Variants in STRN3 observed in about 807,000 individuals in gnomAD.
STRN3 encodes striatin 3.
In STRN3, 29 loss-of-function variants were observed where a neutral mutation model predicts 95.6. The ratio of observed to expected loss-of-function variants is 0.30; its 90% CI spans 0.23 to 0.41. STRN3 has a LOEUF of 0.41. Ranked by LOEUF, STRN3 falls within the 10% of genes least tolerant of loss-of-function variation. The pLI, the probability that STRN3 is intolerant of heterozygous loss-of-function variation, is 1.00. For missense variants in STRN3, 890 were observed against 972.1 expected, an observed-to-expected ratio of 0.92 and a Z score of 1.12; for synonymous variants, 331 against 357.6, an observed-to-expected ratio of 0.93 and a Z score of 0.84.
chr14:30,903,796 G>GAACT (rs1896388845), intron 15 of STRN3, among the ~76,000 whole-genome samples: 1 of 152,120 alleles, frequency 6.6e-6, no homozygotes, highest in South Asian at 2.1e-4. Context: ...ACAAAGGAAG[G>GAACT]AACTATTCCA....
intron 8 of STRN3, among the ~76,000 whole-genome samples, chr14:30,921,646 C>A (rs1243097835): frequency 6.6e-6 from 1 of 152,034 alleles, no homozygotes; most frequent in East Asian, 1.9e-4. Flanking sequence ...ATCCAATATT[C>A]TAAATATAAT....
At chr14:30,976,823 C>A (rs939433898) in intron 1 of STRN3, among the ~76,000 whole-genome samples, 1 of 152,202 alleles carries the variant, frequency 6.6e-6, no homozygotes, top group East Asian at 1.9e-4. Context: ...GGCACTGTGG[C>A]TCACACCTGT....
At chr14:30,966,452 C>T (rs1162889412) in intron 1 of STRN3, among the ~76,000 whole-genome samples, 1 of 152,158 alleles carries the variant, frequency 6.6e-6, no homozygotes, top group Non-Finnish European at 1.5e-5. Flanking sequence ...GTTTCTCTCT[C>T]GTGAGGAGGT....
chr14:31,018,716 G>A, intron 1 of STRN3: 2 of 457,244 alleles, frequency 4.4e-6, no homozygotes, highest in Admixed American at 2.6e-5. Context: ...TGCAAAAAAA[G>A]CGTAAAATGC....
chr14:30,944,528 C>CATATATATACACGTATATAT, intron 5 of STRN3, among the ~76,000 whole-genome samples: 1 of 137,934 alleles, frequency 7.2e-6, no homozygotes, highest in South Asian at 2.6e-4. Flanking sequence ...AATATATACA[C>CATATATATACACGTATATAT]ATATATATAC....
At chr14:30,964,815 G>C (rs960875911) in intron 1 of STRN3, among the ~76,000 whole-genome samples, 1 of 151,962 alleles carries the variant, frequency 6.6e-6, no homozygotes, top group East Asian at 1.9e-4. Flanking sequence ...AAGTACTCCA[G>C]AGACTGAGGC....
intron 1 of STRN3, among the ~76,000 whole-genome samples, chr14:30,967,613 CTG>C (rs1312969632): frequency 1.2e-4 from 18 of 152,196 alleles, no homozygotes; most frequent in African/African-American, 4.3e-4. Flanking sequence ...TGCATTCTAT[CTG>C]TAGCGGCAAC....
intron 9 of STRN3, among the ~76,000 whole-genome samples, chr14:30,918,194 A>G (rs979146075): frequency 7.2e-5 from 11 of 152,150 alleles, no homozygotes; most frequent in African/African-American, 2.7e-4. Context: ...AGTTACATAT[A>G]TTTTTTGAAG....
At chr14:30,897,989 ATTTAT>A (rs1009157531) in intron 16 of STRN3, among the ~76,000 whole-genome samples, 2 of 152,084 alleles carry the variant, frequency 1.3e-5, no homozygotes, top group African/African-American at 4.8e-5. Context: ...TATTTTTAAA[ATTTAT>A]TTTATTTGTA....
At chr14:30,996,756 C>T (rs184692507) in intron 1 of STRN3, among the ~76,000 whole-genome samples, 141 of 152,152 alleles carry the variant, frequency 9.3e-4, no homozygotes, top group Middle Eastern at 3.4e-3. Context: ...GTCCCAGCTA[C>T]TTGGGAGGCT....
chr14:30,947,820 G>A (rs531480581), intron 4 of STRN3, among the ~76,000 whole-genome samples: 1 of 152,038 alleles, frequency 6.6e-6, no homozygotes, highest in Non-Finnish European at 1.5e-5. Flanking sequence ...CTAAACTAAG[G>A]AACTTAACCT....
At position 30,924,287 on chromosome 14, in the gene STRN3, C is replaced by CTTTTTTTTTTTTTTTTTTT. The variant is rs71112354; in HGVS notation, c.1099+4895_1099+4913dup. On this transcript the variant is annotated intron_variant, in intron 8 of 17. Coordinates refer to ENST00000357479, the MANE Select transcript of STRN3 (RefSeq NM_001083893.2). ...AGGTACAATGGCTCATGCCTTAAATCTTTTTTTTTTTTTTTTTTTTGAGAT... is the reference window on the plus strand; with the variant it reads ...AGGTACAATGGCTCATGCCTTAAATCTTTTTTTTTTTTTTTTTTTTTTTTTTTTTTTTTTTTTTTGAGAT... Among the ~76,000 whole-genome samples the CTTTTTTTTTTTTTTTTTTT allele has an allele frequency of 7.6e-4, 59 of 77,244 alleles. 9 individuals are homozygous for CTTTTTTTTTTTTTTTTTTT. Among genetic ancestry groups the CTTTTTTTTTTTTTTTTTTT allele is most frequent in the East Asian group, 1.1e-3 (3 of 2,716 alleles). 50.7% of individuals were successfully genotyped at this position (77,244 alleles called of 152,430 possible).
At chr14:30,905,047 T>C (rs1310047701) in intron 15 of STRN3, among the ~76,000 whole-genome samples, 1 of 151,318 alleles carries the variant, frequency 6.6e-6, no homozygotes, top group Non-Finnish European at 1.5e-5. Flanking sequence ...ACAACTGCAA[T>C]ACATAAATCT....
At chr14:30,951,068 A>T (rs1879617560) in intron 3 of STRN3, 124 bp from the exon 4 acceptor site, 4 of 778,080 alleles carry the variant, frequency 5.1e-6, no homozygotes, top group East Asian at 5.4e-5. Flanking sequence ...GGAAAAAATT[A>T]ACTTTCATCT....
At chr14:30,993,100 A>T (rs999113705) in intron 1 of STRN3, among the ~76,000 whole-genome samples, 1 of 152,192 alleles carries the variant, frequency 6.6e-6, no homozygotes, top group African/African-American at 2.4e-5. Flanking sequence ...CCCCAACTCT[A>T]CAAAAAATAA....
chr14:30,910,943 C>T lies in STRN3; in HGVS notation c.1720+98G>A, dbSNP rs572835474. 1.1e-5 allele frequency: 15 copies of T among 1,350,344 alleles called. No individual in the cohort carries two copies. The East Asian group carries it at 2.6e-4, about 23-fold the overall frequency. The allele number at this position is 1,350,344 out of a possible 1,614,324, so 83.6% of individuals were successfully genotyped here. The stretch of plus-strand genomic sequence containing the variant: ...CAAATGGAAGAACTAAATGAGGTGA[C>T]TAATATAGGTTTAAATAACCTTGTA... On this transcript the variant is annotated intron_variant, in intron 13 of 17. Coordinates refer to ENST00000357479, the MANE Select transcript of STRN3 (RefSeq NM_001083893.2).
intron 1 of STRN3, among the ~76,000 whole-genome samples, chr14:30,978,223 A>G (rs78836874): frequency 0.1 from 15,836 of 152,212 alleles, 1,370 homozygotes; most frequent in East Asian, 0.21. Flanking sequence ...AACGACAAAC[A>G]TATCTCTCAT....
At chr14:30,970,816 C>T (rs1195796260) in intron 1 of STRN3, among the ~76,000 whole-genome samples, 5 of 152,232 alleles carry the variant, frequency 3.3e-5, no homozygotes, top group Non-Finnish European at 5.9e-5. Context: ...AAATATTCCA[C>T]CCGCACATTA....
At chr14:30,934,107 C>T (rs1041549998) in intron 7 of STRN3, among the ~76,000 whole-genome samples, 4 of 152,072 alleles carry the variant, frequency 2.6e-5, no homozygotes, top group African/African-American at 2.4e-5. Flanking sequence ...GGGCGGATCG[C>T]GATGTCAAGA....
Sources: gnomAD v4.1 joint callset for allele counts (sites outside exome capture counted in the v4.1 genomes callset) on GRCh38, gnomAD v4.1.1 for gene constraint, MANE v1.5 for transcripts, NCBI Gene and HGNC (gene_info 2026-07-23, HGNC 2026-07-21) for gene names.